The following VWA8 variants were observed in gnomAD, a reference collection of about 807,000 sequenced individuals.
VWA8 encodes von Willebrand factor A domain-containing protein 8.
VWA8 carries 221 observed loss-of-function variants against 241.5 expected under a neutral mutation model. The observed-to-expected ratio is 0.91, with a 90% CI of 0.82 to 1.02. The LOEUF (loss-of-function observed/expected upper bound fraction) is 1.02, where lower values mean the gene tolerates loss of function less well. Ranked by LOEUF, VWA8 falls within the 50% of genes least tolerant of loss-of-function variation. The probability of loss-of-function intolerance (pLI) is 0.00; values close to 1 mark genes in which losing one functional copy is unlikely to be tolerated. For synonymous variants in VWA8, 852 were observed against 827.1 expected (o/e 1.03, Z -0.52); for missense variants, 2,322 against 2,328.7 (o/e 1.00, Z 0.06).
At chr13:41,652,589 G>A (rs1292080398) in intron 37 of VWA8, among the ~76,000 whole-genome samples, 1 of 152,046 alleles carries the variant, frequency 6.6e-6, no homozygotes, top group Non-Finnish European at 1.5e-5. Flanking sequence ...AGGACCTGAA[G>A]GATGAGCTTA....
At chr13:41,878,934 A>G (rs1340719160) in intron 9 of VWA8, among the ~76,000 whole-genome samples, 1 of 152,210 alleles carries the variant, frequency 6.6e-6, no homozygotes, top group Non-Finnish European at 1.5e-5. Flanking sequence ...TGACTTTATT[A>G]GACACTGAAT....
intron 14 of VWA8, among the ~76,000 whole-genome samples, chr13:41,822,969 G>A (rs1452687627): frequency 3.3e-5 from 5 of 152,204 alleles, no homozygotes; most frequent in East Asian, 3.9e-4. Context: ...GGCAGGAGTC[G>A]GGGATGACAA....
intron 21 of VWA8, among the ~76,000 whole-genome samples, chr13:41,750,659 G>T (rs1013055224): frequency 2.6e-5 from 4 of 152,136 alleles, no homozygotes; most frequent in African/African-American, 4.8e-5. Flanking sequence ...AAGAGAACTA[G>T]AATTAGAAAC....
intron 10 of VWA8, among the ~76,000 whole-genome samples, chr13:41,866,359 AT>A (rs376518033): frequency 0.012 from 1,693 of 141,772 alleles, 33 homozygotes; most frequent in African/African-American, 0.041. Flanking sequence ...AAAAAAAAAA[AT>A]ATATATATAT....
chr13:41,777,236 T>C (rs1253475843), intron 20 of VWA8, among the ~76,000 whole-genome samples: 1 of 152,186 alleles, frequency 6.6e-6, no homozygotes, highest in Non-Finnish European at 1.5e-5. Context: ...GACAGTCATA[T>C]GGTATGACTA....
intron 35 of VWA8, among the ~76,000 whole-genome samples, chr13:41,682,900 T>C (rs1424951673): frequency 1.3e-5 from 2 of 151,988 alleles, no homozygotes; most frequent in Non-Finnish European, 1.5e-5. Flanking sequence ...AAAACGCAAA[T>C]TAAAATCATA....
At chr13:41,569,223 C>T (rs2044283767) in intron 44 of VWA8, among the ~76,000 whole-genome samples, 1 of 152,240 alleles carries the variant, frequency 6.6e-6, no homozygotes, top group Admixed American at 6.5e-5. Flanking sequence ...TAGGAAACCA[C>T]AAGGGTATTA....
intron 20 of VWA8, among the ~76,000 whole-genome samples, chr13:41,770,668 G>A (rs1025835120): frequency 2.6e-4 from 40 of 151,892 alleles, no homozygotes; most frequent in African/African-American, 8.7e-4. Context: ...ATTGAAATGA[G>A]TACCTACAGA....
chr13:41,587,000 T>C (rs1175914805), intron 42 of VWA8, among the ~76,000 whole-genome samples: 1 of 151,928 alleles, frequency 6.6e-6, no homozygotes, highest in Non-Finnish European at 1.5e-5. Context: ...AAATGGAGGG[T>C]GTGCAGCAAA....
intron 1 of VWA8, among the ~76,000 whole-genome samples, chr13:41,958,717 G>C (rs1878455794): frequency 6.6e-6 from 1 of 152,198 alleles, no homozygotes; most frequent in Non-Finnish European, 1.5e-5. Flanking sequence ...TGGGTTCCCA[G>C]CTGCATTCAG....
At chr13:41,646,239 T>TA (rs2139684670) in intron 37 of VWA8, among the ~76,000 whole-genome samples, 1 of 152,292 alleles carries the variant, frequency 6.6e-6, no homozygotes, top group East Asian at 1.9e-4. Flanking sequence ...GTGCTGGGAT[T>TA]ACAGGTGTGA....
chr13:41,923,981 C>T (rs991774820), intron 2 of VWA8, among the ~76,000 whole-genome samples: 1 of 152,088 alleles, frequency 6.6e-6, no homozygotes, highest in Non-Finnish European at 1.5e-5. Context: ...CAAACACACA[C>T]ACAAACACAC....
rs2045248885 is a variant in VWA8, at chr13:41,701,436, G to A, written c.3320C>T (p.Pro1107Leu). 6.2e-7 allele frequency: 1 copy of A among 1,610,436 alleles called. No individual in the cohort carries two copies. Among genetic ancestry groups the A allele is most frequent in the African/African-American group, 1.3e-5 (1 of 74,686 alleles). Residue 1107 changes from proline to leucine, a missense_variant, in exon 28 of 45, where the codon CCA (proline) becomes CTA (leucine). Coordinates refer to ENST00000379310, the MANE Select transcript of VWA8 (RefSeq NM_015058.2). ...FTEECASWRIPLDEINIICDI... is the reference protein window; with the variant it reads ...FTEECASWRILLDEINIICDI... ...ACAGATTATATTAATTTCATCCAATGGTATTCTCCATGAGGCACATTCTTC... is the reference window on the plus strand; with the variant it reads ...ACAGATTATATTAATTTCATCCAATAGTATTCTCCATGAGGCACATTCTTC...
intron 26 of VWA8, among the ~76,000 whole-genome samples, chr13:41,704,960 TATTTA>T (rs1379059843): frequency 1.3e-5 from 2 of 152,208 alleles, no homozygotes; most frequent in African/African-American, 2.4e-5. Flanking sequence ...GAAATTATTT[TATTTA>T]AAGTAAAAAG....
At chr13:41,814,203 T>C (rs1427894448) in intron 16 of VWA8, among the ~76,000 whole-genome samples, 1 of 152,084 alleles carries the variant, frequency 6.6e-6, no homozygotes, top group Non-Finnish European at 1.5e-5. Context: ...GGCTGGGAAA[T>C]GGGACTTAGT....
intron 17 of VWA8, among the ~76,000 whole-genome samples, chr13:41,802,482 G>A (rs1048388736): frequency 6.6e-6 from 1 of 152,196 alleles, no homozygotes; most frequent in Non-Finnish European, 1.5e-5. Context: ...GAGTTGGAGT[G>A]CATGTGACCC....
At chr13:41,701,663 G>A (rs1332361350) in intron 27 of VWA8, 133 bp from the exon 28 acceptor site, 1 of 794,348 alleles carries the variant, frequency 1.3e-6, no homozygotes, top group South Asian at 3.0e-5. Context: ...TCAATTTATT[G>A]ACAGGCTTAG....
At chr13:41,823,274 G>A (rs1346327039) in intron 14 of VWA8, among the ~76,000 whole-genome samples, 1 of 152,108 alleles carries the variant, frequency 6.6e-6, no homozygotes, top group Non-Finnish European at 1.5e-5. Flanking sequence ...CAAATGTCCA[G>A]TTATGTTCAC....
intron 21 of VWA8, among the ~76,000 whole-genome samples, chr13:41,747,599 C>T (rs997372914): frequency 6.6e-6 from 1 of 152,118 alleles, no homozygotes; most frequent in African/African-American, 2.4e-5. Context: ...TTTCCTTCTC[C>T]TGCCTGATTG....
Sources: gnomAD v4.1 joint callset for allele counts (sites outside exome capture counted in the v4.1 genomes callset) on GRCh38, gnomAD v4.1.1 for gene constraint, MANE v1.5 for transcripts, NCBI Gene and HGNC (gene_info 2026-07-23, HGNC 2026-07-21) for gene names.